Variants in ERG observed in about 807,000 individuals in gnomAD.
The protein encoded by ERG is transcriptional regulator ERG.
In ERG, 9 loss-of-function variants were observed where a neutral mutation model predicts 55.3. The ratio of observed to expected loss-of-function variants is 0.16; its 90% CI spans 0.10 to 0.28. The LOEUF is 0.28. ERG is among the 10% of genes least tolerant of loss of function. The pLI is 1.00. For missense variants in ERG, 434 were observed against 631.6 expected, an observed-to-expected ratio of 0.69 and a Z score of 3.35; for synonymous variants, 223 against 237.3, an observed-to-expected ratio of 0.94 and a Z score of 0.55.
At position 38,657,956 on chromosome 21, in the gene ERG, C is replaced by T. The variant is rs189052221; in HGVS notation, c.-150+3702G>A. Among the ~76,000 whole-genome samples, 135 of 152,302 alleles carry T rather than the reference C, an allele frequency of 8.9e-4. 1 individual carries two copies. The highest frequency in any genetic ancestry group is 8.6e-3 in the Admixed American group (131 of 15,286). ...CACTGCCACTAAGTACCATAATCAT[C>T]GGAAACTGTGCCCCAAAGATCTGAA... is the stretch of plus-strand genomic sequence containing the variant. On this transcript the variant is annotated intron_variant, in intron 1 of 10. Coordinates refer to the ERG transcript ENST00000398910.
At chr21:38,561,501 TG>T (rs2059892726) in intron 2 of ERG, among the ~76,000 whole-genome samples, 1 of 151,684 alleles carries the variant, frequency 6.6e-6, no homozygotes, top group South Asian at 2.1e-4. Flanking sequence ...ATATTTGAAC[TG>T]GGGGCTTTTT....
intron 1 of ERG, among the ~76,000 whole-genome samples, chr21:38,594,348 C>G (rs964408474): frequency 6.6e-6 from 1 of 152,190 alleles, no homozygotes; most frequent in African/African-American, 2.4e-5. Context: ...CACTCAGGAC[C>G]TGAGGTTGAC....
At chr21:38,656,729 A>G (rs924929415) in intron 1 of ERG, among the ~76,000 whole-genome samples, 3 of 152,222 alleles carry the variant, frequency 2.0e-5, no homozygotes, top group South Asian at 2.1e-4. Context: ...TTGCTCCCCT[A>G]CTCTCAAAAC....
intron 1 of ERG, among the ~76,000 whole-genome samples, chr21:38,621,113 C>G (rs772884114): frequency 2.6e-5 from 4 of 152,194 alleles, no homozygotes; most frequent in Non-Finnish European, 5.9e-5. Context: ...ATGCAACTAT[C>G]TGGGAGTCAT....
intron 6 of ERG, chr21:38,395,372 T>A (rs1988165142): frequency 4.4e-6 from 1 of 226,226 alleles, no homozygotes; most frequent in South Asian, 1.8e-4. Context: ...CCTCTATGTA[T>A]CTTTGCTATG....
intron 2 of ERG, among the ~76,000 whole-genome samples, chr21:38,516,420 A>G (rs2059552075): frequency 6.6e-6 from 1 of 151,942 alleles, no homozygotes; most frequent in Non-Finnish European, 1.5e-5. Context: ...GAAGCGAAAA[A>G]TCTCTACAAA....
intron 1 of ERG, among the ~76,000 whole-genome samples, chr21:38,463,156 A>C (rs1376308300): frequency 6.6e-6 from 1 of 152,158 alleles, no homozygotes; most frequent in Non-Finnish European, 1.5e-5. Flanking sequence ...TTAATTTTTA[A>C]ATGTGTATCC....
intron 2 of ERG, among the ~76,000 whole-genome samples, chr21:38,503,514 G>A (rs929318984): frequency 6.6e-6 from 1 of 150,896 alleles, no homozygotes; most frequent in African/African-American, 2.4e-5. Flanking sequence ...CAGGATTACA[G>A]GGCTCTATCC....
chr21:38,586,363 C>T (rs746752325), upstream of ERG, among the ~76,000 whole-genome samples: 3 of 151,930 alleles, frequency 2.0e-5, no homozygotes, highest in Non-Finnish European at 4.4e-5. Context: ...TTATTAACTA[C>T]AGTCAATAGA....
rs576111977 is a variant in ERG at position 38,481,127 on chromosome 21, T to A, written c.18+17236A>T. Among the ~76,000 whole-genome samples the A allele has an allele frequency of 2.1e-4, 32 of 152,302 alleles. 1 individual carries two copies. The highest frequency in any genetic ancestry group is 7.7e-4 in the African/African-American group (32 of 41,562). On this transcript the variant is annotated intron_variant, in intron 1 of 9. Coordinates refer to ENST00000288319, the MANE Select transcript of ERG (RefSeq NM_182918.4). ...AAACAATGAACTCCTAAATGACCAA[T>A]CAAGTTTTTTCCAACATTTTAATTC...
intron 2 of ERG, among the ~76,000 whole-genome samples, chr21:38,559,760 C>T (rs1009236994): frequency 7.2e-5 from 11 of 152,170 alleles, no homozygotes; most frequent in African/African-American, 2.4e-4. Context: ...TGGCTCACTG[C>T]ACCCCCTGCC....
intron 2 of ERG, among the ~76,000 whole-genome samples, chr21:38,566,342 C>T (rs2059922796): frequency 6.6e-6 from 1 of 152,128 alleles, no homozygotes; most frequent in Non-Finnish European, 1.5e-5. Flanking sequence ...TTCCTGCTTC[C>T]CCCACAACAG....
intron 1 of ERG, chr21:38,450,823 C>T (rs186528321): frequency 7.6e-5 from 33 of 436,472 alleles, no homozygotes; most frequent in Admixed American, 4.7e-4. Context: ...AATAATGGGA[C>T]ATTTTATATC....
chr21:38,469,907 C>T (rs893601496), intron 1 of ERG, among the ~76,000 whole-genome samples: 7 of 152,162 alleles, frequency 4.6e-5, no homozygotes, highest in African/African-American at 1.2e-4. Context: ...TTTATTACAA[C>T]GATTTCCCCA....
chr21:38,625,091 C>T (rs1040943682), intron 1 of ERG, among the ~76,000 whole-genome samples: 1 of 152,018 alleles, frequency 6.6e-6, no homozygotes, highest in African/African-American at 2.4e-5. Flanking sequence ...ACACATCAAC[C>T]CACCTTCATC....
chr21:38,660,651 G>T (rs1375503157), intron 1 of ERG: 2 of 152,014 alleles, frequency 1.3e-5, no homozygotes, highest in Non-Finnish European at 2.9e-5. Context: ...AACTCCCTCG[G>T]CGCCGACGGG....
intron 2 of ERG, among the ~76,000 whole-genome samples, chr21:38,516,292 C>CA (rs1568873863): frequency 6.6e-6 from 1 of 151,272 alleles, no homozygotes; most frequent in Non-Finnish European, 1.5e-5. Context: ...TTGCAGGATA[C>CA]AAAAAAATCA....
intron 2 of ERG, among the ~76,000 whole-genome samples, chr21:38,546,605 C>G (rs1352732613): frequency 2.0e-5 from 3 of 152,176 alleles, no homozygotes; most frequent in African/African-American, 7.2e-5. Flanking sequence ...CTCTGGCTGC[C>G]AAGGCATTCC....
At chr21:38,634,510 T>C (rs1255878433) in intron 1 of ERG, among the ~76,000 whole-genome samples, 1 of 152,190 alleles carries the variant, frequency 6.6e-6, no homozygotes, top group Non-Finnish European at 1.5e-5. Flanking sequence ...ATATCTGGTG[T>C]AGATAACAAT....
Sources: gnomAD v4.1 joint callset for allele counts (sites outside exome capture counted in the v4.1 genomes callset) on GRCh38, gnomAD v4.1.1 for gene constraint, MANE v1.5 for transcripts, NCBI Gene and HGNC (gene_info 2026-07-23, HGNC 2026-07-21) for gene names.